The following SLC17A9 variants were observed in gnomAD, a reference collection of about 807,000 sequenced individuals.
The protein encoded by SLC17A9 is voltage-gated purine nucleotide uniporter SLC17A9.
A neutral mutation model predicts 55.0 loss-of-function variants in SLC17A9; 49 were observed. The ratio of observed to expected loss-of-function variants is 0.89; its 90% CI spans 0.71 to 1.13. The LOEUF is 1.13. Ranked by LOEUF, SLC17A9 falls within the 50% of genes most tolerant of loss-of-function variation. SLC17A9 has a pLI of 0.00. For synonymous variants in SLC17A9, 256 were observed against 247.4 expected (o/e 1.03, Z -0.32); for missense variants, 526 against 569.3 (o/e 0.92, Z 0.77).
At position 62,962,933 on chromosome 20, in the gene SLC17A9, A is replaced by G. The variant is rs1601094809; in HGVS notation, c.628+179A>G. 5.7e-6 allele frequency: 5 copies of G among 877,494 alleles called. No individual in the cohort carries two copies. Among genetic ancestry groups the G allele is most frequent in the Non-Finnish European group, 8.5e-6 (5 of 587,758 alleles). 54.4% of individuals were successfully genotyped at this position (877,494 alleles called of 1,614,324 possible). The stretch of plus-strand genomic sequence containing the variant: ...TGAGCTGTCAGCGGCTCCGCCACCC[A>G]ATTCGATCTGGAAGGTTCCATCTAG... On this transcript the variant is annotated intron_variant, in intron 5 of 12. Coordinates refer to ENST00000370351, the MANE Select transcript of SLC17A9 (RefSeq NM_022082.4). This position sits in a 1 kb window ranked among gnomAD's most constrained non-coding sequence, Gnocchi z 5.5.
At chr20:62,965,826 C>G in intron 10 of SLC17A9, 101 bp downstream of exon 10, 4 of 1,108,412 alleles carry the variant, frequency 3.6e-6, no homozygotes, top group Non-Finnish European at 5.3e-6. Context: ...TCAGTCTCTT[C>G]CTCACACTTC....
At chr20:62,966,640 TG>T (rs2065642457) in intron 11 of SLC17A9, 60 bp downstream of exon 11, 4 of 1,613,836 alleles carry the variant, frequency 2.5e-6, no homozygotes, top group Middle Eastern at 1.7e-4. Context: ...GGGTGAGCCA[TG>T]GGGGATCCCG....
At chr20:62,957,830 C>T (rs1252296256) in intron 3 of SLC17A9, among the ~76,000 whole-genome samples, 13 of 144,096 alleles carry the variant, frequency 9.0e-5, no homozygotes, top group Non-Finnish European at 9.1e-5. Flanking sequence ...TGGGCATGCC[C>T]GCGTGCATGC....
intron 3 of SLC17A9, among the ~76,000 whole-genome samples, chr20:62,959,576 G>T (rs970332442): frequency 6.6e-6 from 1 of 152,258 alleles, no homozygotes; most frequent in African/African-American, 2.4e-5. Context: ...GGCTCTTGCT[G>T]CGGGGCATCG....
chr20:62,959,593 T>C (rs1182567307), intron 3 of SLC17A9, among the ~76,000 whole-genome samples: 2 of 152,204 alleles, frequency 1.3e-5, no homozygotes, highest in Non-Finnish European at 2.9e-5. Flanking sequence ...ATCGGACTTC[T>C]GGAGGGAGCC....
At position 62,958,586 on chromosome 20, in the gene SLC17A9, G is replaced by A. The variant is rs2065562458; in HGVS notation, c.397+1006G>A. 1.3e-5 allele frequency among the ~76,000 whole-genome samples: 2 copies of A among 152,036 alleles called. No individual in the cohort carries two copies. The highest frequency in any genetic ancestry group is 2.4e-5 in the African/African-American group (1 of 41,400). On this transcript the variant is annotated intron_variant, in intron 3 of 12. Coordinates refer to ENST00000370351, the MANE Select transcript of SLC17A9 (RefSeq NM_022082.4). This position sits in a 1 kb window ranked among gnomAD's most constrained non-coding sequence, Gnocchi z 4.1. ...GGCCACTCCTCCCCCAGTGTCCTGGGCCATCCAGACCCCCCACTCAGGACT... is the reference window on the plus strand; with the variant it reads ...GGCCACTCCTCCCCCAGTGTCCTGGACCATCCAGACCCCCCACTCAGGACT...
chr20:62,964,206 A>G (rs1360349096), intron 7 of SLC17A9, 22 bp from the exon 8 acceptor site: 3 of 1,613,230 alleles, frequency 1.9e-6, no homozygotes, highest in Non-Finnish European at 2.5e-6. Context: ...GGCCCCCTCT[A>G]AGGCCAAACT....
intron 8 of SLC17A9, among the ~76,000 whole-genome samples, 171 bp downstream of exon 8, chr20:62,964,486 G>T (rs1232098264): frequency 1.3e-5 from 2 of 152,192 alleles, no homozygotes; most frequent in Admixed American, 1.3e-4. Context: ...GTTAGACTGT[G>T]GTGGAGGGTC....
chr20:62,963,753 G>A, intron 7 of SLC17A9, 73 bp downstream of exon 7: 1 of 1,396,264 alleles, frequency 7.2e-7, no homozygotes, highest in Non-Finnish European at 9.8e-7. Flanking sequence ...AGGCACTGTG[G>A]GTCCTTGGCC....
At position 62,956,981 on chromosome 20, in the gene SLC17A9, C is replaced by T. The variant is rs558112620; in HGVS notation, c.257+19C>T. 3 of 1,612,956 alleles carry T rather than the reference C, an allele frequency of 1.9e-6. No homozygotes were observed. The highest frequency in any genetic ancestry group is 1.3e-5 in the African/African-American group (1 of 75,062). ...GGGATCGGTAACTGCCCATCTTCCC[C>T]ATCTCCTGGCTGGTGGGGGCCGCCC... On this transcript the variant is annotated intron_variant, in intron 2 of 12. Coordinates refer to ENST00000370351, the MANE Select transcript of SLC17A9 (RefSeq NM_022082.4).
chr20:62,956,453 C>T (rs905111342), intron 1 of SLC17A9, among the ~76,000 whole-genome samples: 15 of 152,112 alleles, frequency 9.9e-5, no homozygotes, highest in Non-Finnish European at 1.9e-4. Context: ...CCCCTGTTCT[C>T]TTTGAGGGGA....
At chr20:62,967,172 C>T in intron 12 of SLC17A9, 165 bp from the exon 13 acceptor site, 1 of 806,358 alleles carries the variant, frequency 1.2e-6, no homozygotes, top group Non-Finnish European at 2.0e-6. Context: ...CAAGTCTGAG[C>T]CTGACCCACA....
At chr20:62,957,369 C>T in intron 2 of SLC17A9, 72 bp from the exon 3 acceptor site, 1 of 1,516,572 alleles carries the variant, frequency 6.6e-7, no homozygotes, top group South Asian at 1.3e-5. Flanking sequence ...CACTCAAGGG[C>T]TGCCCTGAGT....
In SLC17A9 at chr20:62,967,614, C is replaced by A; in HGVS notation, c.*114C>A. 3 of 896,528 alleles carry A rather than the reference C, an allele frequency of 3.3e-6. No individual in the cohort carries two copies. Among genetic ancestry groups the A allele is most frequent in the Non-Finnish European group, 4.5e-6 (3 of 671,662 alleles). The allele number at this position is 896,528 out of a possible 1,614,324, so 55.5% of individuals were successfully genotyped here. ...TCAGACACACGAGCAGAGAGGAACA[C>A]AAACCACTGTGGAGCCTGAAGCTCC... is the stretch of plus-strand genomic sequence containing the variant. On this transcript the variant is annotated 3_prime_UTR_variant, in exon 13 of 13. Transcript: ENST00000370351.
At chr20:62,964,453 C>T (rs571223595) in intron 8 of SLC17A9, 138 bp downstream of exon 8, 6 of 865,738 alleles carry the variant, frequency 6.9e-6, no homozygotes, top group Admixed American at 1.8e-5. Flanking sequence ...TTTCCAGGCT[C>T]GGCCTCCTCC....
At position 62,962,992 on chromosome 20, in the gene SLC17A9, C is replaced by A; in HGVS notation, c.628+238C>A. 1.5e-6 allele frequency: 1 copy of A among 670,516 alleles called. No individual in the cohort carries two copies. Among genetic ancestry groups the A allele is most frequent in the Admixed American group, 3.0e-5 (1 of 33,814 alleles). 41.5% of individuals were successfully genotyped at this position (670,516 alleles called of 1,614,324 possible). ...CAGACACCCAGGAAGACCTGCTGGG[C>A]ACAGGTCAAGGCAGGGTGCAGGAGC... On this transcript the variant is annotated intron_variant, in intron 5 of 12. Transcript: ENST00000370351. This position sits in a 1 kb window ranked among gnomAD's most constrained non-coding sequence, Gnocchi z 5.5.
intron 4 of SLC17A9, among the ~76,000 whole-genome samples, chr20:62,961,904 C>G (rs1163633610): frequency 1.3e-5 from 2 of 152,120 alleles, no homozygotes; most frequent in Admixed American, 6.5e-5. Flanking sequence ...GTCTTGCTAC[C>G]CCAGGAGCTG....
chr20:62,966,814 C>T, intron 12 of SLC17A9, 82 bp downstream of exon 12: 3 of 1,547,502 alleles, frequency 1.9e-6, no homozygotes, highest in African/African-American at 1.4e-5. Flanking sequence ...TGGGGTTGTG[C>T]CTCCCTTCAG....
At chr20:62,953,887 G>A (rs1292672875) in intron 1 of SLC17A9, among the ~76,000 whole-genome samples, 1 of 152,262 alleles carries the variant, frequency 6.6e-6, no homozygotes, top group East Asian at 1.9e-4. Context: ...GCGCCAATTA[G>A]AGGGGAGGGC....
Sources: allele counts gnomAD v4.1 joint callset (sites outside exome capture counted in the v4.1 genomes callset), GRCh38; gene constraint gnomAD v4.1.1; non-coding constraint Gnocchi (gnomAD v3.1); transcripts MANE v1.5; gene names NCBI Gene and HGNC (gene_info 2026-07-23, HGNC 2026-07-21).